RAPGEF5: variants seen among roughly 807,000 people sequenced by gnomAD.
RAPGEF5 encodes the protein M-Ras-regulated GEF.
RAPGEF5 carries 65 observed loss-of-function variants against 125.2 expected under a neutral mutation model. The ratio of observed to expected loss-of-function variants is 0.52; its 90% CI spans 0.43 to 0.64. RAPGEF5 has a LOEUF of 0.64. Ranked by LOEUF, RAPGEF5 falls within the 30% of genes least tolerant of loss-of-function variation. The pLI is 0.00. For synonymous variants in RAPGEF5, 391 were observed against 385.9 expected, an observed-to-expected ratio of 1.01 and a Z score of -0.16; for missense variants, 958 against 1,048.1, an observed-to-expected ratio of 0.91 and a Z score of 1.19.
At chr7:22,318,684 T>C (rs1368162836) in intron 1 of RAPGEF5, among the ~76,000 whole-genome samples, 1 of 152,200 alleles carries the variant, frequency 6.6e-6, no homozygotes, top group African/African-American at 2.4e-5. Flanking sequence ...GTCACGTCAG[T>C]CTTCATGTTA....
chr7:22,185,548 C>T (rs2128123169), intron 11 of RAPGEF5, among the ~76,000 whole-genome samples: 2 of 152,322 alleles, frequency 1.3e-5, no homozygotes, highest in East Asian at 3.9e-4. Context: ...AGGAGAGAAG[C>T]TCAAGGAACT....
intron 7 of RAPGEF5, among the ~76,000 whole-genome samples, chr7:22,265,867 T>C (rs1162837071): frequency 6.6e-6 from 1 of 152,202 alleles, no homozygotes; most frequent in Non-Finnish European, 1.5e-5. Context: ...CCTCCACCTC[T>C]GCAAATATAA....
intron 1 of RAPGEF5, among the ~76,000 whole-genome samples, chr7:22,329,253 C>G (rs73683348): frequency 0.024 from 3,604 of 152,104 alleles, 83 homozygotes; most frequent in African/African-American, 0.056. Flanking sequence ...AAATCACAAC[C>G]CTAATTTTTT....
rs908064003 is a variant in RAPGEF5 at position 22,218,321 on chromosome 7, T to C, written c.996+1545A>G. On this transcript the variant is annotated intron_variant, in intron 9 of 25. Coordinates refer to ENST00000665637, the MANE Select transcript of RAPGEF5 (RefSeq NM_012294.5). ...GCCTTAATCATAAGCCTAAAGCTTATGATCTCTAACTTTGGTGAAGTGGTA... is the reference window on the plus strand; with the variant it reads ...GCCTTAATCATAAGCCTAAAGCTTACGATCTCTAACTTTGGTGAAGTGGTA... Among the ~76,000 whole-genome samples, 43 of 152,224 alleles carry C rather than the reference T, an allele frequency of 2.8e-4. 1 individual carries two copies. Among genetic ancestry groups the C allele is most frequent in the African/African-American group, 9.2e-4 (38 of 41,466 alleles).
intron 5 of RAPGEF5, among the ~76,000 whole-genome samples, chr7:22,307,471 A>G (rs1357485839): frequency 6.6e-6 from 1 of 152,050 alleles, no homozygotes; most frequent in Non-Finnish European, 1.5e-5. Flanking sequence ...TTCTGTGTAG[A>G]TAGTTGTTAA....
intron 6 of RAPGEF5, among the ~76,000 whole-genome samples, chr7:22,288,842 A>C (rs533427841): frequency 6.6e-6 from 1 of 152,310 alleles, no homozygotes; most frequent in South Asian, 2.1e-4. Context: ...ACAGCCTCTA[A>C]CCAATCTCCC....
chr7:22,307,462 T>C (rs1783368993), intron 5 of RAPGEF5, among the ~76,000 whole-genome samples: 1 of 152,174 alleles, frequency 6.6e-6, no homozygotes, highest in Non-Finnish European at 1.5e-5. Context: ...GGTCTTTTTT[T>C]CTGTGTAGAT....
intron 6 of RAPGEF5, among the ~76,000 whole-genome samples, chr7:22,284,399 C>T (rs917555052): frequency 9.9e-5 from 15 of 152,066 alleles, no homozygotes; most frequent in Non-Finnish European, 1.8e-4. Flanking sequence ...CCTATGGCTC[C>T]GTATAAACCA....
chr7:22,180,167 A>G (rs1373348050), intron 11 of RAPGEF5, among the ~76,000 whole-genome samples: 1 of 152,218 alleles, frequency 6.6e-6, no homozygotes, highest in African/African-American at 2.4e-5. Context: ...AAACAAATAC[A>G]TAATTATGGT....
chr7:22,169,859 C>CAAAAA lies in RAPGEF5; in HGVS notation c.1205-2716_1205-2712dup, dbSNP rs71026858. On this transcript the variant is annotated intron_variant, in intron 11 of 25. Coordinates refer to ENST00000665637, the MANE Select transcript of RAPGEF5 (RefSeq NM_012294.5). The stretch of plus-strand genomic sequence containing the variant: ...TGTGCAACAGAGCGAGACTCTGTGT[C>CAAAAA]AAAAAAAAAAAAAAAAAAAAAAGCT... 1.5e-4 allele frequency among the ~76,000 whole-genome samples: 4 copies of CAAAAA among 25,936 alleles called. 2 individuals are homozygous for CAAAAA. The highest frequency in any genetic ancestry group is 8.1e-4 in the African/African-American group (4 of 4,924). 17.0% of individuals were successfully genotyped at this position (25,936 alleles called of 152,430 possible).
At chr7:22,324,178 A>G (rs781671600) in intron 1 of RAPGEF5, among the ~76,000 whole-genome samples, 1 of 152,236 alleles carries the variant, frequency 6.6e-6, no homozygotes, top group African/African-American at 2.4e-5. Flanking sequence ...TGATGAACAG[A>G]GAAAGGCACT....
rs111240194 is a variant in RAPGEF5 at position 22,179,722 on chromosome 7, G to T, written c.1205-12574C>A. 2.7e-4 allele frequency among the ~76,000 whole-genome samples: 41 copies of T among 152,212 alleles called. 3 individuals carry two copies. The highest frequency in any genetic ancestry group is 9.4e-4 in the African/African-American group (39 of 41,532). ...AACCAAGATAGTGACAAATGTGACCGCCAGTTGTTCTCACTGCTCATCACA... is the reference window on the plus strand; with the variant it reads ...AACCAAGATAGTGACAAATGTGACCTCCAGTTGTTCTCACTGCTCATCACA... On this transcript the variant is annotated intron_variant, in intron 11 of 25. Transcript: ENST00000665637.
intron 6 of RAPGEF5, among the ~76,000 whole-genome samples, chr7:22,286,413 C>A (rs1434504211): frequency 1.3e-5 from 2 of 152,214 alleles, no homozygotes; most frequent in Non-Finnish European, 2.9e-5. Context: ...ACAAAAGTCA[C>A]AAATTTCATT....
At chr7:22,315,735 T>C (rs1783575499) in intron 2 of RAPGEF5, among the ~76,000 whole-genome samples, 1 of 151,912 alleles carries the variant, frequency 6.6e-6, no homozygotes, top group Non-Finnish European at 1.5e-5. Context: ...ACCTGCTTTA[T>C]TTAACTACAG....
intron 5 of RAPGEF5, among the ~76,000 whole-genome samples, chr7:22,299,420 T>C (rs777082746): frequency 7.2e-5 from 11 of 152,190 alleles, no homozygotes; most frequent in Non-Finnish European, 1.6e-4. Flanking sequence ...TGCCTCTTTA[T>C]CCTTCCCCAA....
intron 22 of RAPGEF5, 136 bp downstream of exon 22, chr7:22,136,797 A>T: frequency 2.8e-6 from 2 of 714,576 alleles, no homozygotes; most frequent in Non-Finnish European, 4.6e-6. Context: ...AAGCAAAGCT[A>T]CAGTTTCATA....
chr7:22,141,526 G>A (rs941077060), intron 20 of RAPGEF5, among the ~76,000 whole-genome samples: 1 of 152,214 alleles, frequency 6.6e-6, no homozygotes, highest in African/African-American at 2.4e-5. Flanking sequence ...CGGCCCCACA[G>A]GTTAGGTACT....
At chr7:22,235,832 C>T (rs558399228) in intron 7 of RAPGEF5, among the ~76,000 whole-genome samples, 3 of 152,324 alleles carry the variant, frequency 2.0e-5, no homozygotes, top group South Asian at 2.1e-4. Context: ...TGTTTAGACA[C>T]TATACTCATT....
intron 5 of RAPGEF5, among the ~76,000 whole-genome samples, chr7:22,302,573 A>C (rs1193909760): frequency 6.6e-6 from 1 of 152,192 alleles, no homozygotes; most frequent in Admixed American, 6.5e-5. Flanking sequence ...CTACTCTGAC[A>C]GGAGAGCCTC....
Sources: gnomAD v4.1 joint callset for allele counts (sites outside exome capture counted in the v4.1 genomes callset) on GRCh38, gnomAD v4.1.1 for gene constraint, MANE v1.5 for transcripts, NCBI Gene and HGNC (gene_info 2026-07-23, HGNC 2026-07-21) for gene names.